The following FREM1 variants were observed in gnomAD, a reference collection of about 807,000 sequenced individuals.
FREM1 encodes the protein FRAS1 related extracellular matrix 1, also known as FRAS1-related extracellular matrix protein 1.
Under a neutral mutation model 210.1 loss-of-function variants are expected in FREM1, and 220 were observed. The observed-to-expected ratio is 1.05, with a 90% confidence interval of 0.94 to 1.17. FREM1 has a LOEUF of 1.17. Ranked by LOEUF, FREM1 falls within the 50% of genes most tolerant of loss-of-function variation. FREM1 has a pLI of 0.00. For synonymous variants in FREM1, 1,189 were observed against 980.2 expected, an observed-to-expected ratio of 1.21 and a Z score of -3.98; for missense variants, 3,454 against 2,675.5, an observed-to-expected ratio of 1.29 and a Z score of -6.42.
Position 14,868,871 on chromosome 9 carries a change from T to C in FREM1, c.107A>G (p.Lys36Arg), listed in dbSNP as rs1384201965. The change falls in exon 2 of 37, where the codon AAG becomes AGG. Residue 36 changes from lysine to arginine, a missense_variant. By Grantham distance (26) the Lys-to-Arg change is conservative (BLOSUM62 2). Coordinates refer to ENST00000380880, the MANE Select transcript of FREM1 (RefSeq NM_001379081.2). ...TCCTGACAGGAAGGCAGAGTGGCCC[T>C]TCATCACCCTCACCCCGCGGTTGAT... The part of the protein sequence containing the change: ...ISINRGVRVM[K>R]GHSAFLSGDD... 6.2e-7 allele frequency: 1 copy of C among 1,607,988 alleles called. No homozygotes were observed. Among genetic ancestry groups the C allele is most frequent in the South Asian group, 1.1e-5 (1 of 89,612 alleles).
chr9:14,739,767 T>A (rs1394270519), intron 36 of FREM1, among the ~76,000 whole-genome samples: 1 of 151,880 alleles, frequency 6.6e-6, no homozygotes, highest in Non-Finnish European at 1.5e-5. Context: ...ATTTTTCATG[T>A]CTTTATTATT....
chr9:14,845,923 T>G, intron 8 of FREM1, 37 bp downstream of exon 8: 1 of 1,609,240 alleles, frequency 6.2e-7, no homozygotes, highest in South Asian at 1.1e-5. Flanking sequence ...AAAATACTTT[T>G]GGATTCTTTG....
At chr9:14,893,389 T>G (rs906180073) in intron 1 of FREM1, among the ~76,000 whole-genome samples, 3 of 152,226 alleles carry the variant, frequency 2.0e-5, no homozygotes, top group Non-Finnish European at 4.4e-5. Context: ...GCCTGCTGTC[T>G]AAGACAGTCC....
Position 14,806,702 on chromosome 9 carries a change from G to A in FREM1, c.3233C>T (p.Pro1078Leu), listed in dbSNP as rs758022620. 1.1e-5 allele frequency: 18 copies of A among 1,603,068 alleles called. No individual in the cohort carries two copies. Among genetic ancestry groups the A allele is most frequent in the East Asian group, 4.5e-5 (2 of 44,752 alleles). ...ATTGCTTTTTTCAAAACCCACAGAA[G>A]GGAGTATATTTTCGAGGTAGCCAAA... Reference protein sequence around the residue: ...PQFGYLENILPSVGFEKSNIG... With the variant: ...PQFGYLENILLSVGFEKSNIG... Residue 1078 changes from proline to leucine, a missense_variant, in exon 18 of 37, where the codon CCT (proline) becomes CTT (leucine). Physicochemically the swap from Pro to Leu is moderately conservative, Grantham distance 98. Transcript: ENST00000380880.
intron 28 of FREM1, among the ~76,000 whole-genome samples, chr9:14,757,561 CA>C (rs914742045): frequency 6.7e-6 from 1 of 150,118 alleles, no homozygotes; most frequent in Non-Finnish European, 1.5e-5. Flanking sequence ...TCTCAAAAAA[CA>C]AAAAAAAAGT....
intron 1 of FREM1, among the ~76,000 whole-genome samples, chr9:14,879,856 T>G (rs891314954): frequency 2.0e-5 from 3 of 152,056 alleles, no homozygotes; most frequent in Admixed American, 6.6e-5. Flanking sequence ...CAGACAAGCA[T>G]TAGGTTGTTG....
intron 22 of FREM1, among the ~76,000 whole-genome samples, chr9:14,789,649 G>A (rs1850972804): frequency 6.6e-6 from 1 of 152,082 alleles, no homozygotes; most frequent in African/African-American, 2.4e-5. Flanking sequence ...AAATGATGGG[G>A]ATCACTATCA....
chr9:14,783,566 C>T (rs1849955083), intron 24 of FREM1, among the ~76,000 whole-genome samples: 1 of 152,146 alleles, frequency 6.6e-6, no homozygotes, highest in Admixed American at 6.5e-5. Context: ...GTTCTCATGC[C>T]CGGCCTGGGG....
chr9:14,809,680 T>TC (rs1266881346), intron 16 of FREM1, among the ~76,000 whole-genome samples: 9 of 152,206 alleles, frequency 5.9e-5, no homozygotes, highest in African/African-American at 2.2e-4. Flanking sequence ...CATTAGTAAT[T>TC]CACTCAGTAA....
intron 17 of FREM1, 69 bp from the exon 18 acceptor site, chr9:14,806,915 T>C: frequency 2.2e-6 from 2 of 902,524 alleles, no homozygotes; most frequent in South Asian, 2.5e-5. Flanking sequence ...TAGGACAAAA[T>C]GCAGTGACTG....
At chr9:14,778,868 G>C (rs937344820) in intron 24 of FREM1, among the ~76,000 whole-genome samples, 1 of 151,658 alleles carries the variant, frequency 6.6e-6, no homozygotes, top group Non-Finnish European at 1.5e-5. Context: ...CATGGCAAAA[G>C]CCCATCTTAA....
chr9:14,783,337 G>C lies in FREM1; in HGVS notation c.4442+1033C>G, dbSNP rs541291113. ...ATGGGTGTGACAGTGATACTTGATAGTTTATGGGAACCCATTGAATAATAT... is the reference window on the plus strand; with the variant it reads ...ATGGGTGTGACAGTGATACTTGATACTTTATGGGAACCCATTGAATAATAT... On this transcript the variant is annotated intron_variant, in intron 24 of 36. Coordinates refer to ENST00000380880, the MANE Select transcript of FREM1 (RefSeq NM_001379081.2). Among the ~76,000 whole-genome samples the C allele has an allele frequency of 3.9e-5, 6 of 152,292 alleles. No individual in the cohort carries two copies. In the South Asian group the frequency reaches 1.0e-3, roughly 26 times the overall value.
intron 1 of FREM1, among the ~76,000 whole-genome samples, chr9:14,873,815 A>G (rs1010927419): frequency 2.0e-5 from 3 of 151,582 alleles, no homozygotes; most frequent in African/African-American, 4.9e-5. Context: ...AGTGCTATAA[A>G]TTTCCCTGTA....
At chr9:14,845,912 G>A (rs755210629) in intron 8 of FREM1, 48 bp downstream of exon 8, 12 of 1,601,404 alleles carry the variant, frequency 7.5e-6, no homozygotes, top group Non-Finnish European at 3.4e-6. Flanking sequence ...TACTTTTGAA[G>A]AAAATACTTT....
chr9:14,756,781 A>G (rs1215409535), intron 28 of FREM1, among the ~76,000 whole-genome samples: 1 of 152,178 alleles, frequency 6.6e-6, no homozygotes, highest in South Asian at 2.1e-4. Context: ...CCTTCCTTCT[A>G]TCCCAATTTG....
At chr9:14,839,865 A>G (rs919344823) in intron 10 of FREM1, among the ~76,000 whole-genome samples, 5 of 152,248 alleles carry the variant, frequency 3.3e-5, no homozygotes, top group Non-Finnish European at 4.4e-5. Flanking sequence ...AAATCCTATT[A>G]ACTGTTACCT....
At chr9:14,796,099 C>T (rs532637928) in intron 21 of FREM1, among the ~76,000 whole-genome samples, 8 of 152,266 alleles carry the variant, frequency 5.3e-5, no homozygotes, top group Non-Finnish European at 1.0e-4. Context: ...AATCTATCAT[C>T]AGTATTTCCC....
At chr9:14,813,901 T>C (rs1201116565) in intron 15 of FREM1, among the ~76,000 whole-genome samples, 1 of 152,226 alleles carries the variant, frequency 6.6e-6, no homozygotes, top group Non-Finnish European at 1.5e-5. Context: ...CTTTTTAACG[T>C]GTGGACTTTA....
At chr9:14,831,258 C>T (rs1823507612) in intron 10 of FREM1, among the ~76,000 whole-genome samples, 1 of 152,196 alleles carries the variant, frequency 6.6e-6, no homozygotes, top group South Asian at 2.1e-4. Flanking sequence ...AACTCTTCTT[C>T]CCTTTCTGTC....
Sources: allele counts gnomAD v4.1 joint callset (sites outside exome capture counted in the v4.1 genomes callset), GRCh38; gene constraint gnomAD v4.1.1; transcripts MANE v1.5; gene names NCBI Gene and HGNC (gene_info 2026-07-23, HGNC 2026-07-21).